METAP1D: variants seen among roughly 807,000 people sequenced by gnomAD.
METAP1D encodes the protein methionine aminopeptidase 1D, mitochondrial.
Under a neutral mutation model 40.5 loss-of-function variants are expected in METAP1D, and 31 were observed. The ratio of observed to expected loss-of-function variants is 0.77; its 90% CI spans 0.58 to 1.03. The LOEUF (loss-of-function observed/expected upper bound fraction) is 1.03, where lower values mean the gene tolerates loss of function less well. Ranked by LOEUF, METAP1D falls within the 50% of genes least tolerant of loss-of-function variation. METAP1D has a pLI of 0.00. For synonymous variants in METAP1D, 151 were observed against 146.4 expected, an observed-to-expected ratio of 1.03 and a Z score of -0.22; for missense variants, 411 against 420.7, an observed-to-expected ratio of 0.98 and a Z score of 0.20.
Position 172,080,360 on chromosome 2 carries a change from C to T in METAP1D, c.962C>T (p.Thr321Met). The T allele has an allele frequency of 1.2e-6, 2 of 1,614,064 alleles. No individual in the cohort carries two copies. The highest frequency in any genetic ancestry group is 1.7e-6 in the Non-Finnish European group (2 of 1,179,904). Residue 321 changes from threonine to methionine, a missense_variant, in exon 10 of 10, where the codon ACG (threonine) becomes ATG (methionine). Transcript: ENST00000315796. ...CAGTTCGAGCACACGGTTCTGATCA[C>T]GTCGAGGGGCGCGCAGATCCTGACC... Reference protein sequence around the residue: ...SAQFEHTVLITSRGAQILTKL... With the variant: ...SAQFEHTVLIMSRGAQILTKL...
chr2:172,059,030 G>A (rs1052028424), intron 1 of METAP1D, among the ~76,000 whole-genome samples: 2 of 152,074 alleles, frequency 1.3e-5, no homozygotes, highest in Non-Finnish European at 2.9e-5. Flanking sequence ...CAGATTGCCC[G>A]CCTCCATCAC....
intron 1 of METAP1D, among the ~76,000 whole-genome samples, chr2:172,007,750 C>T (rs565531974): frequency 3.9e-5 from 6 of 152,040 alleles, no homozygotes; most frequent in Non-Finnish European, 7.4e-5. Flanking sequence ...AGTGCAGTGG[C>T]GCATTCTCAG....
At chr2:172,078,835 C>T (rs1690620273) in intron 7 of METAP1D, among the ~76,000 whole-genome samples, 1 of 152,196 alleles carries the variant, frequency 6.6e-6, no homozygotes, top group African/African-American at 2.4e-5. Context: ...CATCCTTCCC[C>T]AGGACTTCTT....
chr2:172,077,694 ACTTTTT>A (rs1462860532), intron 6 of METAP1D, 97 bp from the exon 7 acceptor site: 5 of 570,502 alleles, frequency 8.8e-6, no homozygotes, highest in East Asian at 6.1e-5. Context: ...AATATTACTG[ACTTTTT>A]CTTTTTCAGA....
chr2:172,070,206 C>T lies in METAP1D; in HGVS notation c.541-701C>T, dbSNP rs542786105. On this transcript the variant is annotated intron_variant, in intron 5 of 9. Transcript: ENST00000315796. ...ATCACTGAAGACTGATAAAATTATA[C>T]TTTCTGTAATTGTGCTTTTAAGCTT... 3.9e-5 allele frequency among the ~76,000 whole-genome samples: 6 copies of T among 152,236 alleles called. No homozygotes were observed. In the East Asian group the frequency reaches 1.2e-3, roughly 29 times the overall value.
chr2:172,038,096 A>G (rs1045791324), intron 1 of METAP1D, among the ~76,000 whole-genome samples: 12 of 152,146 alleles, frequency 7.9e-5, no homozygotes, highest in African/African-American at 2.4e-4. Context: ...AGTAAAGTGG[A>G]CGTTTCAATT....
At chr2:172,029,643 C>T (rs1035950789) in intron 1 of METAP1D, among the ~76,000 whole-genome samples, 4 of 152,086 alleles carry the variant, frequency 2.6e-5, no homozygotes, top group African/African-American at 9.7e-5. Context: ...AAATATTTTC[C>T]AGAAAAGCAG....
At chr2:172,044,015 C>T (rs1689676595) in intron 1 of METAP1D, among the ~76,000 whole-genome samples, 1 of 133,924 alleles carries the variant, frequency 7.5e-6, no homozygotes, top group Non-Finnish European at 1.7e-5. Context: ...ATTGCTTGAG[C>T]CCAGGAAGTT....
At chr2:172,033,333 CTA>C (rs1689284589) in intron 1 of METAP1D, among the ~76,000 whole-genome samples, 1 of 151,776 alleles carries the variant, frequency 6.6e-6, no homozygotes, top group Non-Finnish European at 1.5e-5. Flanking sequence ...TATTTGGCTC[CTA>C]TTTTAATAAT....
chr2:172,078,746 G>A (rs1332225338), intron 7 of METAP1D, among the ~76,000 whole-genome samples: 5 of 152,166 alleles, frequency 3.3e-5, no homozygotes, highest in Non-Finnish European at 7.4e-5. Flanking sequence ...CCTACCTGGT[G>A]CCAATGTCTG....
intron 1 of METAP1D, among the ~76,000 whole-genome samples, chr2:172,040,609 CAG>C (rs1243929314): frequency 6.6e-6 from 1 of 152,206 alleles, no homozygotes; most frequent in Non-Finnish European, 1.5e-5. Context: ...TAGAGATATA[CAG>C]AGTCCTTGTT....
intron 1 of METAP1D, chr2:172,021,746 G>A (rs1374926100): frequency 1.3e-5 from 2 of 152,180 alleles, no homozygotes; most frequent in Admixed American, 6.6e-5. Flanking sequence ...CCTGCCCTCC[G>A]GATACACCCA....
Position 172,036,183 on chromosome 2 carries a change from G to A in METAP1D, c.41-25315G>A, listed in dbSNP as rs187000890. ...ATACAAAAAGTTAGCTGGGCGTGGT[G>A]GCGGGTGCCTGTAGTCCCAGCTACT... On this transcript the variant is annotated intron_variant, in intron 1 of 9. Coordinates refer to ENST00000315796, the MANE Select transcript of METAP1D (RefSeq NM_199227.3). 1.3e-3 allele frequency among the ~76,000 whole-genome samples: 196 copies of A among 151,134 alleles called. 3 individuals are homozygous for A. The South Asian group carries it at 0.02, about 15-fold the overall frequency.
Position 172,000,028 on chromosome 2 carries a change from GC to G in METAP1D, c.40+23del. Reference sequence around the variant, plus strand: ...CGCAGAGGTAAGCGCGTGGAGGAGAGCCCCGTGAGGGTTCGCACGGTTGCTC... The same window carrying G: ...CGCAGAGGTAAGCGCGTGGAGGAGAGCCCGTGAGGGTTCGCACGGTTGCTC... On this transcript the variant is annotated intron_variant, in intron 1 of 9. Coordinates refer to ENST00000315796, the MANE Select transcript of METAP1D (RefSeq NM_199227.3). 1 of 1,306,484 alleles carries G rather than the reference GC, an allele frequency of 7.7e-7. No individual in the cohort carries two copies. The highest frequency in any genetic ancestry group is 9.8e-7 in the Non-Finnish European group (1 of 1,017,522). The allele number at this position is 1,306,484 out of a possible 1,614,324, so 80.9% of individuals were successfully genotyped here.
At chr2:172,010,264 C>T (rs12473876) in intron 1 of METAP1D, among the ~76,000 whole-genome samples, 7,191 of 151,504 alleles carry the variant, frequency 0.047, 372 homozygotes, top group Admixed American at 0.16. Flanking sequence ...CCTCAGCCCC[C>T]CAAGTAGCTG....
intron 1 of METAP1D, among the ~76,000 whole-genome samples, chr2:172,007,975 C>T (rs921102513): frequency 9.2e-5 from 14 of 151,956 alleles, no homozygotes; most frequent in Non-Finnish European, 1.8e-4. Context: ...CATGAGCCAC[C>T]GCGCCTAGCC....
intron 8 of METAP1D, among the ~76,000 whole-genome samples, chr2:172,079,830 A>G (rs1690657365): frequency 6.6e-6 from 1 of 152,220 alleles, no homozygotes; most frequent in African/African-American, 2.4e-5. Context: ...TTGGGTGGTT[A>G]TTATCCACGG....
rs1690679770 is a variant in METAP1D at position 172,080,504 on chromosome 2, G to A, written c.*98G>A. On this transcript the variant is annotated 3_prime_UTR_variant, in exon 10 of 10. Coordinates refer to ENST00000315796, the MANE Select transcript of METAP1D (RefSeq NM_199227.3). ...AGAAGAAACAGGGAAATGACCGGTG[G>A]TGCGGTAACCTGCGTGGCTCCTGAT... The A allele has an allele frequency of 7.5e-7, 1 of 1,326,638 alleles. No homozygotes were observed. The allele number at this position is 1,326,638 out of a possible 1,614,324, so 82.2% of individuals were successfully genotyped here.
At chr2:172,035,218 G>A (rs961219827) in intron 1 of METAP1D, among the ~76,000 whole-genome samples, 2 of 151,948 alleles carry the variant, frequency 1.3e-5, no homozygotes, top group Non-Finnish European at 2.9e-5. Flanking sequence ...AGGCTGGAGT[G>A]CAGTGGCCCG....
Sources: allele counts gnomAD v4.1 joint callset (sites outside exome capture counted in the v4.1 genomes callset), GRCh38; gene constraint gnomAD v4.1.1; transcripts MANE v1.5; gene names NCBI Gene and HGNC (gene_info 2026-07-23, HGNC 2026-07-21).